Variants in LRFN2 observed in about 807,000 individuals in gnomAD.
The protein encoded by LRFN2 is leucine-rich repeat and fibronectin type-III domain-containing protein 2.
A neutral mutation model predicts 37.3 loss-of-function variants in LRFN2; 18 were observed. The observed-to-expected ratio is 0.48, with a 90% CI of 0.33 to 0.72. The LOEUF is 0.72. Ranked by LOEUF, LRFN2 falls within the 30% of genes least tolerant of loss-of-function variation. The pLI is 0.02. For missense variants in LRFN2, 1,006 were observed against 1,060.7 expected (o/e 0.95, Z 0.72); for synonymous variants, 556 against 466.6 (o/e 1.19, Z -2.47).
At chr6:40,571,900 G>T (rs1767194712) in intron 1 of LRFN2, among the ~76,000 whole-genome samples, 1 of 152,186 alleles carries the variant, frequency 6.6e-6, no homozygotes, top group African/African-American at 2.4e-5. Flanking sequence ...GACCTGCCCA[G>T]CCCCTCGCCT....
chr6:40,429,178 G>A (rs895793880), intron 2 of LRFN2, among the ~76,000 whole-genome samples: 8 of 152,080 alleles, frequency 5.3e-5, no homozygotes, highest in Admixed American at 4.6e-4. Context: ...TTCTTAGAAA[G>A]TTAGTGTCTC....
chr6:40,530,298 A>C (rs1766321213), intron 1 of LRFN2, among the ~76,000 whole-genome samples: 1 of 152,204 alleles, frequency 6.6e-6, no homozygotes, highest in African/African-American at 2.4e-5. Flanking sequence ...AATCAATTGC[A>C]CAGGCCTGGG....
At chr6:40,411,149 G>T (rs778967138) in intron 2 of LRFN2, among the ~76,000 whole-genome samples, 2 of 152,222 alleles carry the variant, frequency 1.3e-5, no homozygotes, top group African/African-American at 4.8e-5. Context: ...TTATTGAGGT[G>T]CATGGGTCTG....
intron 2 of LRFN2, among the ~76,000 whole-genome samples, chr6:40,419,449 A>T (rs1358318971): frequency 1.3e-5 from 2 of 152,158 alleles, no homozygotes; most frequent in African/African-American, 4.8e-5. Flanking sequence ...GAGAAGATTG[A>T]AATCAGAACT....
chr6:40,491,183 C>T (rs1029868694), intron 1 of LRFN2, among the ~76,000 whole-genome samples: 2 of 152,210 alleles, frequency 1.3e-5, no homozygotes, highest in African/African-American at 2.4e-5. Context: ...ACCGTCACCA[C>T]GGATGCTCAC....
At chr6:40,494,037 G>C (rs1329018983) in intron 1 of LRFN2, among the ~76,000 whole-genome samples, 1 of 151,616 alleles carries the variant, frequency 6.6e-6, no homozygotes, top group Non-Finnish European at 1.5e-5. Context: ...AGTCAGAGAG[G>C]AGCTTCTTGC....
At chr6:40,544,165 T>C (rs1019467452) in intron 1 of LRFN2, among the ~76,000 whole-genome samples, 8 of 152,230 alleles carry the variant, frequency 5.3e-5, no homozygotes, top group African/African-American at 1.9e-4. Context: ...GGAAAGTGTG[T>C]GCTGCGAGCG....
intron 1 of LRFN2, chr6:40,516,375 G>A (rs1765873125): frequency 2.0e-5 from 3 of 152,280 alleles, no homozygotes; most frequent in Admixed American, 1.3e-4. Flanking sequence ...TACCAAGTCA[G>A]GTCTGGACGG....
Position 40,526,134 on chromosome 6 carries a change from A to T in LRFN2, c.-19+60807T>A, listed in dbSNP as rs188767214. Among the ~76,000 whole-genome samples, 56 of 152,372 alleles carry T rather than the reference A, an allele frequency of 3.7e-4. 1 individual carries two copies. The highest frequency in any genetic ancestry group is 3.1e-3 in the South Asian group (15 of 4,820). The stretch of plus-strand genomic sequence containing the variant: ...AATTTGCACAATAATCTCTGCAACA[A>T]GAGTGCTACTGCTGTCCCCATTCCA... On this transcript the variant is annotated intron_variant, in intron 1 of 2. Coordinates refer to ENST00000338305, the MANE Select transcript of LRFN2 (RefSeq NM_020737.3).
intron 1 of LRFN2, among the ~76,000 whole-genome samples, chr6:40,463,411 C>T (rs1039451370): frequency 6.6e-6 from 1 of 152,098 alleles, no homozygotes; most frequent in South Asian, 2.1e-4. Context: ...TATCCTTTTT[C>T]CACTCTGTGG....
intron 1 of LRFN2, among the ~76,000 whole-genome samples, chr6:40,435,706 T>A (rs891987433): frequency 1.3e-5 from 2 of 152,022 alleles, no homozygotes; most frequent in Non-Finnish European, 2.9e-5. Flanking sequence ...ACCCGGCTAA[T>A]TTTTTGTGTT....
intron 1 of LRFN2, among the ~76,000 whole-genome samples, chr6:40,497,062 C>T (rs1263431462): frequency 6.6e-6 from 1 of 152,186 alleles, no homozygotes; most frequent in Admixed American, 6.5e-5. Flanking sequence ...CAGTCCCTCA[C>T]CTGGCTCTGC....
At chr6:40,496,188 C>A (rs377148316) in intron 1 of LRFN2, among the ~76,000 whole-genome samples, 3 of 152,116 alleles carry the variant, frequency 2.0e-5, no homozygotes, top group East Asian at 3.9e-4. Flanking sequence ...CGAATCCAAC[C>A]CCTTCTTACC....
intron 1 of LRFN2, among the ~76,000 whole-genome samples, chr6:40,574,632 T>C (rs774099514): frequency 5.9e-5 from 9 of 152,132 alleles, no homozygotes; most frequent in Non-Finnish European, 1.2e-4. Context: ...TCCATAAATC[T>C]CAGGCTATGT....
At chr6:40,415,637 C>G (rs1763078057) in intron 2 of LRFN2, among the ~76,000 whole-genome samples, 1 of 152,208 alleles carries the variant, frequency 6.6e-6, no homozygotes, top group Non-Finnish European at 1.5e-5. Context: ...CAGCATTTAT[C>G]ACAGCTGTAG....
intron 1 of LRFN2, among the ~76,000 whole-genome samples, chr6:40,478,977 T>C (rs187256311): frequency 2.6e-5 from 4 of 152,350 alleles, no homozygotes; most frequent in African/African-American, 4.8e-5. Context: ...TACAAAATTA[T>C]ACTCTGAGGA....
At chr6:40,467,166 A>AGATGATGATGATGATGAT (rs35088407) in intron 1 of LRFN2, among the ~76,000 whole-genome samples, 1 of 148,562 alleles carries the variant, frequency 6.7e-6, no homozygotes, top group African/African-American at 2.5e-5. Flanking sequence ...AAGTTGAATG[A>AGATGATGATGATGATGAT]GATGATGATG....
At chr6:40,544,819 C>T (rs183049459) in intron 1 of LRFN2, among the ~76,000 whole-genome samples, 2 of 152,296 alleles carry the variant, frequency 1.3e-5, no homozygotes, top group African/African-American at 2.4e-5. Flanking sequence ...CAGTGACCAG[C>T]GCCATGTGTG....
chr6:40,445,191 A>G (rs568300656), intron 1 of LRFN2, among the ~76,000 whole-genome samples: 1 of 152,362 alleles, frequency 6.6e-6, no homozygotes, highest in Non-Finnish European at 1.5e-5. Context: ...CCAAGGGAAG[A>G]GGGAAGTATC....
Sources: gnomAD v4.1 joint callset for allele counts (sites outside exome capture counted in the v4.1 genomes callset) on GRCh38, gnomAD v4.1.1 for gene constraint, MANE v1.5 for transcripts, NCBI Gene and HGNC (gene_info 2026-07-23, HGNC 2026-07-21) for gene names.